SORCS2: variants seen among roughly 807,000 people sequenced by gnomAD.
The protein encoded by SORCS2 is sortilin related VPS10 domain containing receptor 2, also known as VPS10 domain-containing receptor SorCS2.
SORCS2 carries 100 observed loss-of-function variants against 141.6 expected under a neutral mutation model. The observed-to-expected ratio is 0.71, with a 90% confidence interval of 0.60 to 0.83. SORCS2 has a LOEUF of 0.83. Among genes scored for constraint, SORCS2 ranks in the 40% least tolerant of loss-of-function variants. SORCS2 has a pLI of 0.00. For missense variants in SORCS2, 1,646 were observed against 1,560.2 expected (o/e 1.05, Z -0.93); for synonymous variants, 789 against 676.9 (o/e 1.17, Z -2.57).
At chr4:7,503,066 G>A (rs1054501640) in intron 2 of SORCS2, among the ~76,000 whole-genome samples, 1 of 152,152 alleles carries the variant, frequency 6.6e-6, no homozygotes, top group Non-Finnish European at 1.5e-5. Flanking sequence ...TCCTGCCTCC[G>A]GGAGCACAGG....
chr4:7,599,980 C>T (rs1174790968), intron 3 of SORCS2, among the ~76,000 whole-genome samples: 1 of 151,938 alleles, frequency 6.6e-6, no homozygotes, highest in Non-Finnish European at 1.5e-5. Flanking sequence ...TGTGCCACCA[C>T]AACCAGCTAA....
intron 3 of SORCS2, among the ~76,000 whole-genome samples, chr4:7,611,403 G>A (rs1398710707): frequency 6.6e-6 from 1 of 152,258 alleles, no homozygotes; most frequent in Admixed American, 6.5e-5. Flanking sequence ...GATTCCTTCC[G>A]CCCTCTCAGC....
chr4:7,473,904 C>T (rs1730133941), intron 2 of SORCS2, among the ~76,000 whole-genome samples: 1 of 152,198 alleles, frequency 6.6e-6, no homozygotes, highest in Non-Finnish European at 1.5e-5. Flanking sequence ...GTGCATTCTG[C>T]ACACAGCAGC....
At chr4:7,739,745 G>A (rs1012924572) in intron 26 of SORCS2, among the ~76,000 whole-genome samples, 1 of 152,094 alleles carries the variant, frequency 6.6e-6, no homozygotes, top group Non-Finnish European at 1.5e-5. Context: ...CTCCTAACCA[G>A]CCCCCACCCG....
chr4:7,321,311 A>G (rs1718880782), intron 1 of SORCS2, among the ~76,000 whole-genome samples: 1 of 152,160 alleles, frequency 6.6e-6, no homozygotes, highest in Non-Finnish European at 1.5e-5. Flanking sequence ...TCCATGGTGT[A>G]TGTATACCAT....
At chr4:7,332,676 A>G (rs1212617534) in intron 1 of SORCS2, among the ~76,000 whole-genome samples, 2 of 152,240 alleles carry the variant, frequency 1.3e-5, no homozygotes, top group Admixed American at 6.5e-5. Flanking sequence ...CAGATGGGGA[A>G]GTCACACCCT....
chr4:7,388,484 T>A (rs768028051), intron 1 of SORCS2, among the ~76,000 whole-genome samples: 5 of 152,094 alleles, frequency 3.3e-5, no homozygotes, highest in Middle Eastern at 3.2e-3. Context: ...GCCAAATGGT[T>A]CCAAATGTCA....
chr4:7,486,157 T>A (rs1730969153), intron 2 of SORCS2, among the ~76,000 whole-genome samples: 1 of 152,168 alleles, frequency 6.6e-6, no homozygotes, highest in Admixed American at 6.5e-5. Context: ...CTGCAGCACC[T>A]GCCTCCTGAG....
At chr4:7,589,435 C>T (rs1308629999) in intron 3 of SORCS2, among the ~76,000 whole-genome samples, 2 of 152,102 alleles carry the variant, frequency 1.3e-5, no homozygotes, top group East Asian at 3.9e-4. Flanking sequence ...CAGAGTCTCG[C>T]TCTGTGGCCC....
chr4:7,247,837 T>A (rs949472157), intron 1 of SORCS2, among the ~76,000 whole-genome samples: 2 of 152,200 alleles, frequency 1.3e-5, no homozygotes, highest in African/African-American at 4.8e-5. Flanking sequence ...TCAGATAAGC[T>A]GGTGGGTGGG....
intron 1 of SORCS2, among the ~76,000 whole-genome samples, chr4:7,274,968 G>A (rs548885404): frequency 2.0e-5 from 3 of 152,304 alleles, no homozygotes; most frequent in South Asian, 2.1e-4. Flanking sequence ...GGGGTTGTCC[G>A]TGTGTTTAAC....
chr4:7,669,049 C>T (rs531379842), intron 8 of SORCS2, among the ~76,000 whole-genome samples: 3 of 152,352 alleles, frequency 2.0e-5, no homozygotes, highest in Admixed American at 1.3e-4. Flanking sequence ...CTCCCTGGAC[C>T]TGCAGATGCA....
chr4:7,530,609 A>C (rs115068143), intron 2 of SORCS2, among the ~76,000 whole-genome samples: 228 of 152,352 alleles, frequency 1.5e-3, no homozygotes, highest in Middle Eastern at 6.8e-3. Context: ...CAGTCGGGGC[A>C]TATCCTGCAA....
chr4:7,390,437 G>A (rs1308540881), intron 1 of SORCS2, among the ~76,000 whole-genome samples: 1 of 152,194 alleles, frequency 6.6e-6, no homozygotes, highest in African/African-American at 2.4e-5. Context: ...TTGAAGAGGC[G>A]ATGCCGAGTG....
chr4:7,409,916 T>G (rs1022074844), intron 2 of SORCS2, among the ~76,000 whole-genome samples: 1 of 152,008 alleles, frequency 6.6e-6, no homozygotes, highest in Admixed American at 6.5e-5. Flanking sequence ...AGTCTCCTTG[T>G]TTTTTTCTGT....
intron 1 of SORCS2, among the ~76,000 whole-genome samples, chr4:7,393,862 C>A (rs74644986): frequency 6.6e-6 from 1 of 152,130 alleles, no homozygotes; most frequent in East Asian, 1.9e-4. Context: ...TTGAGGTCGA[C>A]GGTCTGCTAG....
rs150750007 is a variant in SORCS2, at chr4:7,309,384, G to A, written c.481-86904G>A. ...GTAAACCACACGGGAGCCTCAGCCCGTCTGGCAGCCAAATCTATCTTTAGC... is the reference window on the plus strand; with the variant it reads ...GTAAACCACACGGGAGCCTCAGCCCATCTGGCAGCCAAATCTATCTTTAGC... On this transcript the variant is annotated intron_variant, in intron 1 of 26. Coordinates refer to ENST00000507866, the MANE Select transcript of SORCS2 (RefSeq NM_020777.3). Among the ~76,000 whole-genome samples, 1,197 of 152,294 alleles carry A rather than the reference G, an allele frequency of 7.9e-3. 14 individuals are homozygous for A. The highest frequency in any genetic ancestry group is 0.028 in the African/African-American group (1,152 of 41,566).
At chr4:7,484,712 C>T (rs73090196) in intron 2 of SORCS2, among the ~76,000 whole-genome samples, 4,833 of 152,212 alleles carry the variant, frequency 0.032, 229 homozygotes, top group African/African-American at 0.11. Flanking sequence ...CTGAGCTGGG[C>T]GGGCATTTAC....
chr4:7,403,967 A>G (rs1280882757), intron 2 of SORCS2, among the ~76,000 whole-genome samples: 17 of 3,494 alleles, frequency 4.9e-3, no homozygotes, highest in Admixed American at 0.012. Flanking sequence ...GTGTGTATAT[A>G]TATATATATA....
Sources: gnomAD v4.1 joint callset for allele counts (sites outside exome capture counted in the v4.1 genomes callset) on GRCh38, gnomAD v4.1.1 for gene constraint, MANE v1.5 for transcripts, NCBI Gene and HGNC (gene_info 2026-07-23, HGNC 2026-07-21) for gene names.